GGA3: variants seen among roughly 807,000 people sequenced by gnomAD.
GGA3 encodes golgi associated, gamma adaptin ear containing, ARF binding protein 3.
GGA3 carries 57 observed loss-of-function variants against 77.5 expected under a neutral mutation model. That is an observed-to-expected ratio of 0.74 (90% CI 0.59 to 0.92). GGA3 has a LOEUF of 0.92. Ranked by LOEUF, GGA3 falls within the 40% of genes least tolerant of loss-of-function variation. The pLI, the probability that GGA3 is intolerant of heterozygous loss-of-function variation, is 0.00. For synonymous variants in GGA3, 416 were observed against 383.7 expected (o/e 1.08, Z -0.98); for missense variants, 970 against 914.9 (o/e 1.06, Z -0.78).
At position 75,240,939 on chromosome 17, in the gene GGA3, G is replaced by C; in HGVS notation, c.1065C>G (p.Ile355Met). 2 of 1,613,932 alleles carry C rather than the reference G, an allele frequency of 1.2e-6. No homozygotes were observed. The highest frequency in any genetic ancestry group is 1.7e-6 in the Non-Finnish European group (2 of 1,179,914). Residue 355 changes from isoleucine to methionine, a missense_variant, in exon 11 of 17, where the codon ATC (isoleucine) becomes ATG (methionine). By Grantham distance (10) the Ile-to-Met change is conservative. Transcript: ENST00000537686. ...CTGAGGCCTGGGGTGGTGGAGGGAG[G>C]ATTGGGATGCCTGAGGAGGGTGGAG... ...APTPPSSGIP[I>M]LPPPPQASGP...
At chr17:75,261,685 C>T (rs564590828), upstream of GGA3, 1,225 of 1,280,374 alleles carry the variant, frequency 9.6e-4, no homozygotes, top group Non-Finnish European at 1.1e-3. Flanking sequence ...GAGTGAGTGC[C>T]GTCACCGAGG....
chr17:75,244,738 G>A, intron 3 of GGA3, 21 bp from the exon 4 acceptor site: 2 of 1,574,244 alleles, frequency 1.3e-6, no homozygotes, highest in Non-Finnish European at 1.7e-6. Context: ...ACAGAGGAGA[G>A]GCGCTCAGTG....
At chr17:75,250,314 A>T (rs1299098164) in intron 1 of GGA3, among the ~76,000 whole-genome samples, 3 of 152,094 alleles carry the variant, frequency 2.0e-5, no homozygotes, top group Non-Finnish European at 2.9e-5. Context: ...TGAAAGCCTC[A>T]TCTGTTTCTG....
chr17:75,252,935 A>G (rs956576483), intron 1 of GGA3, among the ~76,000 whole-genome samples: 4 of 152,106 alleles, frequency 2.6e-5, no homozygotes, highest in Admixed American at 6.6e-5. Context: ...ATGATAATCC[A>G]CCACACCATT....
chr17:75,240,355 C>T lies in GGA3; in HGVS notation c.1250G>A (p.Trp417Ter). 1 of 1,596,090 alleles carries T rather than the reference C, an allele frequency of 6.3e-7. No individual in the cohort carries two copies. The highest frequency in any genetic ancestry group is 8.5e-7 in the Non-Finnish European group (1 of 1,171,380). The stretch of plus-strand genomic sequence containing the variant: ...CTGTGCCCCTACCTGGAGCAGGTGC[C>T]ACTGGCTGTTCCCAGCTGACTCTTT... ...PPKESAGNSQ[W>*]HLLQREQSDL... Residue 417 changes from tryptophan to a stop codon, truncating the protein, a stop_gained, in exon 12 of 17, where the codon TGG (tryptophan) becomes TAG (stop). Coordinates refer to ENST00000537686, the MANE Select transcript of GGA3 (RefSeq NM_138619.4). LOFTEE classifies it high-confidence loss of function.
rs1257001284 is a variant in GGA3 at position 75,236,727 on chromosome 17, C to A, written c.*1552G>T. 1 of 153,556 alleles carries A rather than the reference C, an allele frequency of 6.5e-6. No homozygotes were observed. The highest frequency in any genetic ancestry group is 1.5e-5 in the Non-Finnish European group (1 of 68,700). 9.5% of individuals were successfully genotyped at this position (153,556 alleles called of 1,614,324 possible). A position where few individuals can be genotyped will look rare whatever the true frequency, so the allele number is the denominator to read the frequency against. On this transcript the variant is annotated 3_prime_UTR_variant, in exon 17 of 17. Transcript: ENST00000537686. ...AGTAACACTCAAATAACTGTAATGT[C>A]TAGAGCATAACACAAAGTTCCATTT...
intron 1 of GGA3, among the ~76,000 whole-genome samples, chr17:75,247,842 G>A (rs2076810436): frequency 1.3e-5 from 2 of 152,140 alleles, no homozygotes; most frequent in Admixed American, 6.6e-5. Context: ...GCAAAGTTCT[G>A]ATATTTGGCA....
chr17:75,262,057 C>A, upstream of GGA3: 1 of 1,541,414 alleles, frequency 6.5e-7, no homozygotes, highest in Non-Finnish European at 8.8e-7. Context: ...CGCGTGGGCC[C>A]CTAGAGAGAG....
At chr17:75,241,811 A>T (rs2076570020) in intron 8 of GGA3, 115 bp from the exon 9 acceptor site, 2 of 875,336 alleles carry the variant, frequency 2.3e-6, no homozygotes, top group South Asian at 2.8e-5. Context: ...ACGGTCAATT[A>T]CCAGCAAAGC....
rs550772503 is a variant in GGA3, at chr17:75,260,129, A to C, written c.40+1419T>G. Among the ~76,000 whole-genome samples the C allele has an allele frequency of 8.5e-5, 13 of 152,304 alleles. 1 individual carries two copies. The South Asian group carries it at 2.7e-3, about 32-fold the overall frequency. On this transcript the variant is annotated intron_variant, in intron 1 of 16. Transcript: ENST00000537686. ...GCACCCCTGCACTCCAGCCTAGACAACAGCGCGCGAGACTCTGTCTCAAAA... is the reference window on the plus strand; with the variant it reads ...GCACCCCTGCACTCCAGCCTAGACACCAGCGCGCGAGACTCTGTCTCAAAA...
Position 75,238,228 on chromosome 17 carries a change from C to T in GGA3, c.*51G>A. ...GTGACGGGACCAGAGCCCTCCTCGT[C>T]TCAGGGCAGCCTGCCTGGCTTCAAG... On this transcript the variant is annotated 3_prime_UTR_variant, in exon 17 of 17. Transcript: ENST00000537686. The T allele has an allele frequency of 1.3e-6, 2 of 1,599,350 alleles. No individual in the cohort carries two copies. Among genetic ancestry groups the T allele is most frequent in the Non-Finnish European group, 1.7e-6 (2 of 1,170,912 alleles).
intron 1 of GGA3, among the ~76,000 whole-genome samples, chr17:75,250,813 C>T (rs909990818): frequency 2.1e-5 from 3 of 143,880 alleles, no homozygotes; most frequent in African/African-American, 5.2e-5. Context: ...CACGGTGGCT[C>T]ACGCCTGTAA....
At chr17:75,252,778 T>C (rs981765157) in intron 1 of GGA3, among the ~76,000 whole-genome samples, 1 of 152,226 alleles carries the variant, frequency 6.6e-6, no homozygotes, top group Non-Finnish European at 1.5e-5. Flanking sequence ...CCACCCTAAC[T>C]GATCAATGTA....
In GGA3 at chr17:75,247,120, T is replaced by C. The variant is rs371619480; in HGVS notation, c.41-324A>G. Among the ~76,000 whole-genome samples, 11 of 152,114 alleles carry C rather than the reference T, an allele frequency of 7.2e-5. No homozygotes were observed. The East Asian group carries it at 1.3e-3, about 19-fold the overall frequency. ...AAATATTCCCAAAAAAATGCCTACA[T>C]GAAACATGTAAAGATAATAAAGGGA... On this transcript the variant is annotated intron_variant, in intron 1 of 16. Transcript: ENST00000537686.
At position 75,237,984 on chromosome 17, in the gene GGA3, C is replaced by CA; in HGVS notation, c.*294dup. 8.3e-7 allele frequency: 1 copy of CA among 1,206,682 alleles called. No individual in the cohort carries two copies. The highest frequency in any genetic ancestry group is 1.0e-6 in the Non-Finnish European group (1 of 969,870). The allele number at this position is 1,206,682 out of a possible 1,614,324, so 74.7% of individuals were successfully genotyped here. A position where few individuals can be genotyped will look rare whatever the true frequency, so the allele number is the denominator to read the frequency against. ...AGTAGAAGGAAGCAAACACCTACGC[C>CA]AAGCCTGGGGGTCCATGTTCCCGGG... On this transcript the variant is annotated 3_prime_UTR_variant, in exon 17 of 17. Transcript: ENST00000537686.
intron 3 of GGA3, among the ~76,000 whole-genome samples, chr17:75,245,696 T>A (rs2076731534): frequency 6.6e-6 from 1 of 152,114 alleles, no homozygotes; most frequent in Non-Finnish European, 1.5e-5. Context: ...GGCTGATTTT[T>A]TTATTTTTTG....
At chr17:75,241,317 TG>T in intron 10 of GGA3, 82 bp downstream of exon 10, 1 of 922,238 alleles carries the variant, frequency 1.1e-6, no homozygotes. Context: ...ACCACCACGC[TG>T]GCCAGCCTAC....
rs765840237 is a variant in GGA3, at chr17:75,242,793, T to C, written c.609+38A>G. 2.6e-6 allele frequency: 4 copies of C among 1,509,864 alleles called. No individual in the cohort carries two copies. In the East Asian group the frequency reaches 6.8e-5, roughly 26 times the overall value. The allele number at this position is 1,509,864 out of a possible 1,614,324, so 93.5% of individuals were successfully genotyped here. On this transcript the variant is annotated intron_variant, in intron 7 of 16. Coordinates refer to ENST00000537686, the MANE Select transcript of GGA3 (RefSeq NM_138619.4). Reference sequence around the variant, plus strand: ...CGGCTTCTGCTGTGTGGCCATGGGCTCCTCCACCCCGTGCCTGAAGGACCG... The same window carrying C: ...CGGCTTCTGCTGTGTGGCCATGGGCCCCTCCACCCCGTGCCTGAAGGACCG...
In GGA3 at chr17:75,239,860, A is replaced by G. The variant is rs2076471949; in HGVS notation, c.1512T>C (p.His504=). ...PKVEPAVPGH[H]GLALGNSALH... ...GCGCGCTGTTGCCCAACGCCAAGCC[A>G]TGGTGCCCAGGGACTGCGGGCTCAA... is the stretch of plus-strand genomic sequence containing the variant. Residue 504 remains histidine (H), a synonymous_variant, in exon 13 of 17, where the codon CAT becomes CAC. Coordinates refer to ENST00000537686, the MANE Select transcript of GGA3 (RefSeq NM_138619.4). 4.3e-6 allele frequency: 7 copies of G among 1,614,036 alleles called. No homozygotes were observed. Among genetic ancestry groups the G allele is most frequent in the Non-Finnish European group, 5.9e-6 (7 of 1,180,020 alleles).
Sources: gnomAD v4.1 joint callset for allele counts (sites outside exome capture counted in the v4.1 genomes callset) on GRCh38, gnomAD v4.1.1 for gene constraint, MANE v1.5 for transcripts, NCBI Gene and HGNC (gene_info 2026-07-23, HGNC 2026-07-21) for gene names.